COL4A4: variants seen among roughly 807,000 people sequenced by gnomAD.
COL4A4 encodes collagen type IV alpha 4 chain.
A neutral mutation model predicts 192.9 loss-of-function variants in COL4A4; 105 were observed. That is an observed-to-expected ratio of 0.54 (90% confidence interval 0.46 to 0.64). The LOEUF (loss-of-function observed/expected upper bound fraction) is 0.64. Ranked by LOEUF, COL4A4 falls within the 30% of genes least tolerant of loss-of-function variation. The pLI, the probability that COL4A4 is intolerant of heterozygous loss-of-function variation, is 0.00. For synonymous variants in COL4A4, 762 were observed against 769.9 expected, an observed-to-expected ratio of 0.99 and a Z score of 0.17; for missense variants, 1,967 against 2,169.3, an observed-to-expected ratio of 0.91 and a Z score of 1.85.
At chr2:227,097,619 T>C (rs867244086) in intron 19 of COL4A4, among the ~76,000 whole-genome samples, 22 of 152,198 alleles carry the variant, frequency 1.4e-4, no homozygotes, top group Admixed American at 9.2e-4. Context: ...ACAAGCCTGA[T>C]TGGAGAATTC....
At chr2:227,087,566 C>T (rs771025003) in intron 22 of COL4A4, among the ~76,000 whole-genome samples, 1 of 152,168 alleles carries the variant, frequency 6.6e-6, no homozygotes, top group Non-Finnish European at 1.5e-5. Flanking sequence ...TTGGCTCTGT[C>T]TTCAAAATAT....
chr2:226,985,279 C>G, the COL4A4 span, among the ~76,000 whole-genome samples: 1 of 152,170 alleles, frequency 6.6e-6, no homozygotes, highest in Non-Finnish European at 1.5e-5. Context: ...AGTGCCTTGT[C>G]AGTCTCCTCT....
intron 30 of COL4A4, 51 bp from the exon 31 acceptor site, chr2:227,054,788 AT>A (rs1367974807): frequency 6.4e-7 from 1 of 1,551,516 alleles, no homozygotes; most frequent in African/African-American, 1.4e-5. Flanking sequence ...TTTGTTATTT[AT>A]TTTTTCAGGG....
intron 25 of COL4A4, 41 bp downstream of exon 25, chr2:227,077,852 AC>A (rs2059116522): frequency 6.5e-7 from 1 of 1,533,780 alleles, no homozygotes; most frequent in African/African-American, 1.4e-5. Flanking sequence ...AAACACTTGT[AC>A]CCCAAAGCTA....
intron 17 of COL4A4, 72 bp from the exon 18 acceptor site, chr2:227,099,761 ATT>A (rs2150750811): frequency 7.7e-7 from 1 of 1,299,438 alleles, no homozygotes; most frequent in East Asian, 2.3e-5. Flanking sequence ...TTAAACCAGT[ATT>A]AGAACGATCA....
chr2:227,050,432 T>C (rs1355057216), intron 33 of COL4A4, among the ~76,000 whole-genome samples: 1 of 152,238 alleles, frequency 6.6e-6, no homozygotes, highest in Non-Finnish European at 1.5e-5. Flanking sequence ...AAGTTGATAC[T>C]AAATAAAATA....
chr2:227,125,697 G>A (rs562160177), intron 4 of COL4A4, among the ~76,000 whole-genome samples: 19 of 152,198 alleles, frequency 1.2e-4, no homozygotes, highest in Admixed American at 1.0e-3. Flanking sequence ...GTCCTGTCCC[G>A]GGAGCGCCCC....
chr2:227,149,300 T>C (rs772211246), intron 1 of COL4A4, among the ~76,000 whole-genome samples: 3 of 152,228 alleles, frequency 2.0e-5, no homozygotes, highest in Non-Finnish European at 4.4e-5. Flanking sequence ...AACACCCAGA[T>C]CTTTTCCTAT....
intron 4 of COL4A4, among the ~76,000 whole-genome samples, chr2:227,132,204 G>C (rs2062521494): frequency 6.6e-6 from 1 of 152,100 alleles, no homozygotes; most frequent in African/African-American, 2.4e-5. Context: ...GTCCACCTGG[G>C]GAGGGAGCAA....
the COL4A4 span, chr2:226,988,252 A>T: frequency 7.5e-7 from 1 of 1,335,342 alleles, no homozygotes; most frequent in Non-Finnish European, 1.0e-6. Context: ...AGTAGGACTC[A>T]TATCAGGGCC....
Position 227,007,384 on chromosome 2 carries a change from C to G in COL4A4, c.5014G>C (p.Glu1672Gln), listed in dbSNP as rs1962374185. ...SSAPAPDTLK[E>Q]SQAQRQKISR... is the part of the protein sequence containing the mutation. ...ATTTTCTGGCGTTGGGCCTGGCTTT[C>G]TTTTAAGGTGTCTGGTGCTGGAGCA... Residue 1672 changes from glutamate to glutamine, a missense_variant, in exon 48 of 48, where the codon GAA becomes CAA. Physicochemically the swap from Glu to Gln is conservative, Grantham distance 29. Coordinates refer to ENST00000396625, the MANE Select transcript of COL4A4 (RefSeq NM_000092.5). The G allele has an allele frequency of 1.2e-6, 2 of 1,614,120 alleles. No homozygotes were observed. Among genetic ancestry groups the G allele is most frequent in the African/African-American group, 1.3e-5 (1 of 74,936 alleles).
intron 7 of COL4A4, among the ~76,000 whole-genome samples, chr2:227,115,269 C>CTTTTT (rs1187419564): frequency 2.0e-4 from 25 of 123,944 alleles, no homozygotes; most frequent in African/African-American, 6.8e-4. Context: ...TACTTTAATT[C>CTTTTT]TTTTTTTTTT....
chr2:227,138,704 G>A (rs1051955482), intron 4 of COL4A4, among the ~76,000 whole-genome samples: 1 of 152,016 alleles, frequency 6.6e-6, no homozygotes, highest in African/African-American at 2.4e-5. Context: ...TACTGAAGAA[G>A]GAACAAAGCA....
At chr2:227,156,536 C>G (rs2064369107) in intron 1 of COL4A4, among the ~76,000 whole-genome samples, 1 of 151,668 alleles carries the variant, frequency 6.6e-6, no homozygotes, top group Admixed American at 6.6e-5. Context: ...TATAAAGTAT[C>G]TTTTAAACAT....
chr2:227,053,922 A>G (rs963075734), intron 31 of COL4A4, among the ~76,000 whole-genome samples: 5 of 151,996 alleles, frequency 3.3e-5, no homozygotes, highest in African/African-American at 1.2e-4. Flanking sequence ...ATGGTAGTTG[A>G]GAAGTTGGCA....
chr2:227,061,718 G>C (rs1025375762), intron 26 of COL4A4, among the ~76,000 whole-genome samples: 10 of 151,794 alleles, frequency 6.6e-5, no homozygotes, highest in Admixed American at 1.3e-4. Context: ...ACAAAGAAGA[G>C]TTAGGCAAAA....
At chr2:227,133,406 A>C (rs1198125391) in intron 4 of COL4A4, among the ~76,000 whole-genome samples, 11 of 152,218 alleles carry the variant, frequency 7.2e-5, no homozygotes, top group Admixed American at 7.2e-4. Flanking sequence ...TTTCTCATGC[A>C]CGGATGCTGG....
chr2:227,159,803 T>C (rs1332185959), intron 1 of COL4A4, among the ~76,000 whole-genome samples: 1 of 152,232 alleles, frequency 6.6e-6, no homozygotes. Context: ...TGTGAGTCAA[T>C]TAAGCCTCTT....
At chr2:226,999,690 G>GTAT (rs1960457376), downstream of COL4A4, among the ~76,000 whole-genome samples, 1 of 152,144 alleles carries the variant, frequency 6.6e-6, no homozygotes, top group Non-Finnish European at 1.5e-5. Flanking sequence ...GTCATAATAG[G>GTAT]TATTGCTGCT....
Sources: gnomAD v4.1 joint callset for allele counts (sites outside exome capture counted in the v4.1 genomes callset) on GRCh38, gnomAD v4.1.1 for gene constraint, MANE v1.5 for transcripts, NCBI Gene and HGNC (gene_info 2026-07-23, HGNC 2026-07-21) for gene names.